The following GLIS3 variants were observed in gnomAD, a reference collection of about 807,000 sequenced individuals.
GLIS3 encodes GLIS family zinc finger 3.
Under a neutral mutation model 78.6 loss-of-function variants are expected in GLIS3, and 53 were observed. The observed-to-expected ratio is 0.67, with a 90% confidence interval of 0.54 to 0.85. The LOEUF is 0.85. Ranked by LOEUF, GLIS3 falls within the 40% of genes least tolerant of loss-of-function variation. GLIS3 has a pLI of 0.00. For synonymous variants in GLIS3, 684 were observed against 509.9 expected (o/e 1.34, Z -4.60); for missense variants, 1,703 against 1,231.1 (o/e 1.38, Z -5.74).
upstream of GLIS3, among the ~76,000 whole-genome samples, chr9:4,351,117 G>C (rs1214788171): frequency 1.3e-5 from 2 of 152,110 alleles, no homozygotes; most frequent in Non-Finnish European, 2.9e-5. Flanking sequence ...CTTAAGGCTG[G>C]TTGGGATAGC....
chr9:4,124,140 A>C (rs924037331), intron 3 of GLIS3, among the ~76,000 whole-genome samples: 1 of 152,214 alleles, frequency 6.6e-6, no homozygotes, highest in African/African-American at 2.4e-5. Context: ...GCTAAAAGTA[A>C]GTTCCATATT....
the GLIS3 span, among the ~76,000 whole-genome samples, chr9:4,453,962 G>A: frequency 1.3e-5 from 2 of 151,834 alleles, no homozygotes; most frequent in East Asian, 1.9e-4. Flanking sequence ...AAACCTGCAC[G>A]TTGTGCACAT....
chr9:4,314,451 T>C (rs906563715), intron 2 of GLIS3, among the ~76,000 whole-genome samples: 11 of 152,228 alleles, frequency 7.2e-5, no homozygotes, highest in Admixed American at 3.9e-4. Context: ...CATGTGCATA[T>C]ACAATGAAGT....
intron 4 of GLIS3, among the ~76,000 whole-genome samples, chr9:4,114,024 G>A (rs558455731): frequency 4.9e-5 from 3 of 61,258 alleles, no homozygotes; most frequent in South Asian, 3.8e-4. Flanking sequence ...GGAGGCCCAC[G>A]TTCCCCCAAT....
the GLIS3 span, among the ~76,000 whole-genome samples, chr9:4,405,679 T>A: frequency 2.0e-5 from 3 of 152,184 alleles, no homozygotes; most frequent in African/African-American, 7.2e-5. Context: ...ACTCAAACTG[T>A]TCTGAAAAAT....
At chr9:4,383,475 C>G in the GLIS3 span, among the ~76,000 whole-genome samples, 1 of 152,180 alleles carries the variant, frequency 6.6e-6, no homozygotes, top group Non-Finnish European at 1.5e-5. Context: ...ACATAGAACT[C>G]TTCACTTCTG....
intron 6 of GLIS3, among the ~76,000 whole-genome samples, chr9:3,919,618 AC>A (rs1446650909): frequency 6.6e-6 from 1 of 151,792 alleles, no homozygotes; most frequent in Admixed American, 6.6e-5. Context: ...CTGCACATGT[AC>A]CCCTGAACTT....
At chr9:3,982,686 T>C (rs762561700) in intron 4 of GLIS3, among the ~76,000 whole-genome samples, 4 of 152,214 alleles carry the variant, frequency 2.6e-5, no homozygotes, top group Non-Finnish European at 5.9e-5. Context: ...GCAAAGATAC[T>C]ACATGTCTGC....
chr9:4,336,799 G>C (rs1433683920), intron 2 of GLIS3, among the ~76,000 whole-genome samples: 1 of 152,108 alleles, frequency 6.6e-6, no homozygotes, highest in Non-Finnish European at 1.5e-5. Context: ...TGATAGTAGA[G>C]AGATGTTCAT....
rs148749812 is a variant in GLIS3 at position 3,859,844 on chromosome 9, C to A, written c.2298-3660G>T. 4.0e-4 allele frequency among the ~76,000 whole-genome samples: 61 copies of A among 152,230 alleles called. No homozygotes were observed. The East Asian group carries it at 0.011, about 28-fold the overall frequency. ...AAATTACTGCTTACCAGAAACAGAT[C>A]GCACAAAAGCTAACCAGATAACTGA... is the stretch of plus-strand genomic sequence containing the variant. On this transcript the variant is annotated intron_variant, in intron 8 of 10. Coordinates refer to ENST00000381971, the MANE Select transcript of GLIS3 (RefSeq NM_001042413.2).
At chr9:4,300,894 G>C (rs1049678208), upstream of GLIS3, among the ~76,000 whole-genome samples, 2 of 152,056 alleles carry the variant, frequency 1.3e-5, no homozygotes, top group Non-Finnish European at 2.9e-5. Context: ...GCAGTTGACA[G>C]TATTATTCAC....
At chr9:4,224,153 T>G (rs755702522) in intron 2 of GLIS3, among the ~76,000 whole-genome samples, 2 of 152,192 alleles carry the variant, frequency 1.3e-5, no homozygotes, top group African/African-American at 2.4e-5. Flanking sequence ...TGGAGCCCCT[T>G]GCACTCTGAT....
chr9:4,387,088 G>A, the GLIS3 span, among the ~76,000 whole-genome samples: 2 of 152,260 alleles, frequency 1.3e-5, no homozygotes, highest in East Asian at 3.9e-4. Context: ...AATGAATTTG[G>A]TTAAAAGATT....
At chr9:4,039,857 C>G (rs756119088) in intron 4 of GLIS3, among the ~76,000 whole-genome samples, 1 of 152,140 alleles carries the variant, frequency 6.6e-6, no homozygotes, top group Admixed American at 6.6e-5. Flanking sequence ...GCAGATGGAG[C>G]AAAAGTATCA....
chr9:4,178,670 A>T (rs922474918), intron 2 of GLIS3, among the ~76,000 whole-genome samples: 1 of 152,174 alleles, frequency 6.6e-6, no homozygotes, highest in Admixed American at 6.5e-5. Flanking sequence ...AAAAACCCAA[A>T]TTTTCTACAG....
chr9:4,264,941 T>G (rs1230859888), intron 2 of GLIS3, among the ~76,000 whole-genome samples: 2 of 150,864 alleles, frequency 1.3e-5, no homozygotes, highest in African/African-American at 4.9e-5. Context: ...CCCAGGTGGG[T>G]GGATCACGAG....
Position 4,215,325 on chromosome 9 carries a change from ATATGTGTG to A in GLIS3, c.388+70705_388+70712del, listed in dbSNP as rs1376798976. Among the ~76,000 whole-genome samples, 30 of 45,768 alleles carry A rather than the reference ATATGTGTG, an allele frequency of 6.6e-4. No individual in the cohort carries two copies. In the South Asian group the frequency reaches 0.032, roughly 49 times the overall value. 30.0% of individuals were successfully genotyped at this position (45,768 alleles called of 152,430 possible). ...GGAGAGATGAGAGGAGTGTGTGTGC[ATATGTGTG>A]TGTGTGTGTGTGTGTGTGTGTGTAT... On this transcript the variant is annotated intron_variant, in intron 2 of 10. Transcript: ENST00000381971.
chr9:4,268,796 C>T (rs189096766), intron 2 of GLIS3, among the ~76,000 whole-genome samples: 35 of 152,232 alleles, frequency 2.3e-4, no homozygotes, highest in Middle Eastern at 3.4e-3. Flanking sequence ...CCAGTACCAG[C>T]TGGGCAGCAT....
At chr9:4,440,865 G>T in the GLIS3 span, among the ~76,000 whole-genome samples, 1 of 151,788 alleles carries the variant, frequency 6.6e-6, no homozygotes, top group Non-Finnish European at 1.5e-5. Flanking sequence ...TCATTGTAAA[G>T]ATCTTTCACT....
Sources: allele counts gnomAD v4.1 joint callset (sites outside exome capture counted in the v4.1 genomes callset), GRCh38; gene constraint gnomAD v4.1.1; transcripts MANE v1.5; gene names NCBI Gene and HGNC (gene_info 2026-07-23, HGNC 2026-07-21).